The following C18orf63 variants were observed in gnomAD, a reference collection of about 807,000 sequenced individuals.
C18orf63 encodes uncharacterized protein C18orf63.
Under a neutral mutation model 75.3 loss-of-function variants are expected in C18orf63, and 50 were observed. That is an observed-to-expected ratio of 0.66 (90% CI 0.53 to 0.84). C18orf63 has a LOEUF of 0.84. Ranked by LOEUF, C18orf63 falls within the 40% of genes least tolerant of loss-of-function variation. The pLI, the probability that C18orf63 is intolerant of heterozygous loss-of-function variation, is 0.00. For synonymous variants in C18orf63, 232 were observed against 267.6 expected (o/e 0.87, Z 1.30); for missense variants, 732 against 800.2 (o/e 0.91, Z 1.03).
At chr18:74,332,718 G>GAAAA in intron 7 of C18orf63, among the ~76,000 whole-genome samples, 2 of 141,322 alleles carry the variant, frequency 1.4e-5, no homozygotes, top group East Asian at 4.2e-4. Context: ...TCTTAGAGGG[G>GAAAA]AAAAAAAAAA....
chr18:74,353,834 A>G lies in C18orf63; in HGVS notation c.1567A>G (p.Thr523Ala), dbSNP rs1448349498. ...EKNTESSENM[T>A]KFPSSRGKST... ...AAATACAGAGTCTTCTGAAAATATGACAAAATTTCCCTCTTCTCGTGGAAA... is the reference window on the plus strand; with the variant it reads ...AAATACAGAGTCTTCTGAAAATATGGCAAAATTTCCCTCTTCTCGTGGAAA... Residue 523 changes from threonine to alanine, a missense_variant, in exon 12 of 14, where the codon ACA (threonine) becomes GCA (alanine). Physicochemically the swap from Thr to Ala is moderately conservative, Grantham distance 58 (BLOSUM62 0). Coordinates refer to ENST00000579455, the MANE Select transcript of C18orf63 (RefSeq NM_001174123.2). The G allele has an allele frequency of 1.3e-6, 2 of 1,535,952 alleles. No individual in the cohort carries two copies. Among genetic ancestry groups the G allele is most frequent in the African/African-American group, 1.4e-5 (1 of 73,040 alleles).
intron 7 of C18orf63, among the ~76,000 whole-genome samples, chr18:74,335,674 G>A (rs190797078): frequency 3.4e-4 from 52 of 152,190 alleles, no homozygotes; most frequent in South Asian, 1.0e-3. Context: ...GGAAATGAGT[G>A]CCTCGAAACA....
rs146192427 is a variant in C18orf63 at position 74,344,756 on chromosome 18, C to T, written c.978+1054C>T. On this transcript the variant is annotated intron_variant, in intron 11 of 13. Coordinates refer to ENST00000579455, the MANE Select transcript of C18orf63 (RefSeq NM_001174123.2). Reference sequence around the variant, plus strand: ...CCACGTTGCTCCACTTAGCTATAGTCGGTTTATTTTCCTTTATATGTAGCA... The same window carrying T: ...CCACGTTGCTCCACTTAGCTATAGTTGGTTTATTTTCCTTTATATGTAGCA... Among the ~76,000 whole-genome samples, 275 of 152,118 alleles carry T rather than the reference C, an allele frequency of 1.8e-3. 1 individual carries two copies. Among genetic ancestry groups the T allele is most frequent in the African/African-American group, 6.3e-3 (262 of 41,520 alleles).
intron 7 of C18orf63, among the ~76,000 whole-genome samples, chr18:74,337,983 G>A (rs1984419351): frequency 6.6e-6 from 1 of 152,148 alleles, no homozygotes; most frequent in African/African-American, 2.4e-5. Context: ...CCCAAAAGAT[G>A]TTAGGTGGTT....
intron 11 of C18orf63, among the ~76,000 whole-genome samples, chr18:74,348,559 C>T (rs1984611739): frequency 6.6e-6 from 1 of 152,148 alleles, no homozygotes; most frequent in East Asian, 1.9e-4. Flanking sequence ...TTTTGGCCTT[C>T]TTCTATAATG....
intron 8 of C18orf63, among the ~76,000 whole-genome samples, chr18:74,339,460 G>C (rs538597493): frequency 6.6e-6 from 1 of 152,142 alleles, no homozygotes; most frequent in East Asian, 1.9e-4. Context: ...ATCTAATTTA[G>C]TTTTTTCTAG....
At position 74,342,146 on chromosome 18, in the gene C18orf63, A is replaced by T; in HGVS notation, c.708+18A>T. On this transcript the variant is annotated intron_variant, in intron 9 of 13. Coordinates refer to ENST00000579455, the MANE Select transcript of C18orf63 (RefSeq NM_001174123.2). ...ATGCCCTGGTAAGGAATGGAAATAT[A>T]TGTTACATTAGAAGTTATTTGATTT... is the stretch of plus-strand genomic sequence containing the variant. 7.0e-7 allele frequency: 1 copy of T among 1,418,658 alleles called. No individual in the cohort carries two copies. The highest frequency in any genetic ancestry group is 1.2e-5 in the South Asian group (1 of 81,348). 87.9% of individuals were successfully genotyped at this position (1,418,658 alleles called of 1,614,324 possible).
intron 8 of C18orf63, among the ~76,000 whole-genome samples, chr18:74,341,407 G>T (rs1984483625): frequency 6.6e-6 from 1 of 151,834 alleles, no homozygotes; most frequent in Non-Finnish European, 1.5e-5. Context: ...CTAAGAAGGG[G>T]TGAGGTGGCT....
rs1312588162 is a variant in C18orf63, at chr18:74,353,490, C to G, written c.1223C>G (p.Ser408Ter). 4 of 1,536,484 alleles carry G rather than the reference C, an allele frequency of 2.6e-6. No homozygotes were observed. The highest frequency in any genetic ancestry group is 3.5e-6 in the Non-Finnish European group (4 of 1,146,966). Residue 408 changes from serine (S) to a stop codon, truncating the protein, a stop_gained, in exon 12 of 14, where the codon TCA becomes TGA. Coordinates refer to ENST00000579455, the MANE Select transcript of C18orf63 (RefSeq NM_001174123.2). LOFTEE classifies it high-confidence loss of function. ...TCTATCAGGGCTCCACAAGTACATTCAGAAGTATTAATGCCCAACAGAGGA... is the reference window on the plus strand; with the variant it reads ...TCTATCAGGGCTCCACAAGTACATTGAGAAGTATTAATGCCCAACAGAGGA... ...SLSIRAPQVH[S>*]EVLMPNRGNT...
At chr18:74,319,308 T>C (rs2145113393) in intron 2 of C18orf63, among the ~76,000 whole-genome samples, 1 of 152,326 alleles carries the variant, frequency 6.6e-6, no homozygotes, top group Non-Finnish European at 1.5e-5. Context: ...TTTGGCTGTG[T>C]CAGGTAATGG....
intron 4 of C18orf63, among the ~76,000 whole-genome samples, chr18:74,327,377 A>G (rs967503936): frequency 6.6e-6 from 1 of 152,230 alleles, no homozygotes; most frequent in African/African-American, 2.4e-5. Flanking sequence ...AGATAAATGC[A>G]CACTTACACA....
chr18:74,344,152 G>GCA (rs1194986962), intron 11 of C18orf63, among the ~76,000 whole-genome samples: 1 of 152,078 alleles, frequency 6.6e-6, no homozygotes, highest in African/African-American at 2.4e-5. Flanking sequence ...GAGGGCTAGT[G>GCA]TCTGGCTCCT....
intron 2 of C18orf63, among the ~76,000 whole-genome samples, chr18:74,318,515 G>C (rs1397435663): frequency 6.6e-6 from 1 of 152,172 alleles, no homozygotes; most frequent in African/African-American, 2.4e-5. Flanking sequence ...AGAGGGCCGG[G>C]CGTGGTGGCT....
chr18:74,333,863 T>G (rs1984349167), intron 7 of C18orf63, among the ~76,000 whole-genome samples: 1 of 152,214 alleles, frequency 6.6e-6, no homozygotes, highest in African/African-American at 2.4e-5. Context: ...CTCTCCTCTA[T>G]TCAACATTAT....
Position 74,329,008 on chromosome 18 carries a change from T to C in C18orf63, c.396T>C (p.Leu132=). Reference sequence around the variant, plus strand: ...GAATTTTTTAAGGAAGAGATTTTCTTTCTCAGATGGGAAAACAAAGTGCTG... The same window carrying C: ...GAATTTTTTAAGGAAGAGATTTTCTCTCTCAGATGGGAAAACAAAGTGCTG... ...GHLLIQGRDF[L]SQMGKQSAVV... is the part of the protein sequence containing the mutation. The change falls in exon 6 of 14, where the codon CTT becomes CTC. Residue 132 remains leucine, a synonymous_variant. Transcript: ENST00000579455. 6.7e-7 allele frequency: 1 copy of C among 1,503,072 alleles called. No individual in the cohort carries two copies. The allele number at this position is 1,503,072 out of a possible 1,614,324, so 93.1% of individuals were successfully genotyped here.
At chr18:74,327,246 G>A (rs533418411) in intron 4 of C18orf63, among the ~76,000 whole-genome samples, 2 of 152,264 alleles carry the variant, frequency 1.3e-5, no homozygotes, top group Admixed American at 6.5e-5. Flanking sequence ...GACAAGATAA[G>A]GGTAGTCACC....
chr18:74,350,868 C>T (rs1435844086), intron 11 of C18orf63, among the ~76,000 whole-genome samples: 1 of 152,072 alleles, frequency 6.6e-6, no homozygotes, highest in Non-Finnish European at 1.5e-5. Context: ...CCCTAACTCC[C>T]AAGGTGATGA....
At chr18:74,323,791 G>A (rs541412149) in intron 4 of C18orf63, among the ~76,000 whole-genome samples, 2 of 152,300 alleles carry the variant, frequency 1.3e-5, no homozygotes, top group East Asian at 1.9e-4. Flanking sequence ...TCCCAGCCAA[G>A]GCCACTGTCT....
At chr18:74,326,042 C>T (rs1279372205) in intron 4 of C18orf63, among the ~76,000 whole-genome samples, 1 of 151,786 alleles carries the variant, frequency 6.6e-6, no homozygotes, top group Non-Finnish European at 1.5e-5. Context: ...AGAGAGAAAT[C>T]CACCTGGCCT....
Sources: gnomAD v4.1 joint callset for allele counts (sites outside exome capture counted in the v4.1 genomes callset) on GRCh38, gnomAD v4.1.1 for gene constraint, MANE v1.5 for transcripts, NCBI Gene and HGNC (gene_info 2026-07-23, HGNC 2026-07-21) for gene names.